Variants in PCAT6 observed in about 807,000 individuals in gnomAD.
PCAT6 encodes KDM5B antisense RNA 1 (head to head).
exon 1 of PCAT6, chr1:202,811,010 G>C (rs1426946602): frequency 3.7e-6 from 1 of 268,038 alleles, no homozygotes; most frequent in Non-Finnish European, 7.0e-6. Context: ...GCTCCCAGAG[G>C]GCTGGGTGCG....
chr1:202,810,990 C>T (rs759246252), exon 1 of PCAT6: 5 of 237,284 alleles, frequency 2.1e-5, no homozygotes, highest in African/African-American at 9.0e-5. Flanking sequence ...CTGGAGGTGC[C>T]GGGGCCGGAG....
exon 1 of PCAT6, chr1:202,811,060 C>A (rs1186900972): frequency 8.4e-6 from 3 of 356,618 alleles, no homozygotes; most frequent in African/African-American, 4.2e-5. Flanking sequence ...TAGGCCATAG[C>A]GGAGCTGCAG....
chr1:202,811,593 G>A (rs1042912486), exon 1 of PCAT6: 85 of 390,464 alleles, frequency 2.2e-4, no homozygotes, highest in Non-Finnish European at 3.0e-4. Flanking sequence ...GTGTCCGTGA[G>A]CCTCCCTTCC....
At chr1:202,811,257 C>T in exon 1 of PCAT6, 1 of 399,338 alleles carries the variant, frequency 2.5e-6, no homozygotes, top group East Asian at 3.6e-5. Context: ...CCATCCAACT[C>T]CCAGACCTCA....
exon 1 of PCAT6, chr1:202,811,359 G>A (rs1219633124): frequency 5.0e-6 from 2 of 398,566 alleles, no homozygotes; most frequent in Non-Finnish European, 8.8e-6. Flanking sequence ...GGCGCTCCTC[G>A]CGTTCCTTCC....
At chr1:202,811,410 T>C (rs1180939882) in exon 1 of PCAT6, 6 of 398,584 alleles carry the variant, frequency 1.5e-5, no homozygotes, top group African/African-American at 8.2e-5. Context: ...GGTTGCAAAC[T>C]TGGGGGGACT....
At chr1:202,811,549 C>G (rs1286864956) in exon 1 of PCAT6, 4 of 395,742 alleles carry the variant, frequency 1.0e-5, no homozygotes, top group Non-Finnish European at 1.3e-5. Flanking sequence ...CTCCCCACCC[C>G]CTCGCCGCCT....
chr1:202,811,755 G>T (rs1571475083), exon 1 of PCAT6: 1 of 220,024 alleles, frequency 4.5e-6, no homozygotes, highest in East Asian at 9.2e-5. Context: ...CCAATTCAAT[G>T]CCATCATCTC....
exon 1 of PCAT6, chr1:202,811,194 T>TGCAGCGCC: frequency 2.5e-6 from 1 of 397,892 alleles, no homozygotes; most frequent in Admixed American, 4.4e-5. Flanking sequence ...CCCTCATTTG[T>TGCAGCGCC]GCAGCGCCAG....
In PCAT6 at chr1:202,811,449, G is replaced by A. The variant is rs1658549534; in HGVS notation, n.567G>A. On this transcript the variant is annotated non_coding_transcript_exon_variant, in exon 1 of 1. Coordinates refer to ENST00000686658, the Ensembl canonical transcript of PCAT6. The stretch of plus-strand genomic sequence containing the variant: ...TCCCTCCCCTCCCCCTGGGCGCCGT[G>A]CAACTGCCCTGGGACCGGGTTCTGG... 7.5e-6 allele frequency: 3 copies of A among 398,576 alleles called. No homozygotes were observed. In the East Asian group the frequency reaches 1.1e-4, roughly 14 times the overall value. 24.7% of individuals were successfully genotyped at this position (398,576 alleles called of 1,614,324 possible).
exon 1 of PCAT6, chr1:202,811,872 A>G (rs1658558659): frequency 6.4e-6 from 1 of 155,474 alleles, no homozygotes; most frequent in Non-Finnish European, 1.4e-5. Context: ...GTAGTCCTAC[A>G]ACGTCTTGTT....
exon 1 of PCAT6, chr1:202,811,088 G>A (rs1658538978): frequency 5.3e-6 from 2 of 380,330 alleles, no homozygotes; most frequent in African/African-American, 2.1e-5. Flanking sequence ...GGCCGGAGCG[G>A]AACCCAGCCC....
At position 202,810,986 on chromosome 1, in the gene PCAT6, G is replaced by T. The variant is rs1423177923; in HGVS notation, n.104G>T. 3.9e-5 allele frequency: 9 copies of T among 232,342 alleles called. No homozygotes were observed. The Admixed American group carries it at 4.6e-4, about 12-fold the overall frequency. 14.4% of individuals were successfully genotyped at this position (232,342 alleles called of 1,614,324 possible). Reference sequence around the variant, plus strand: ...GGACCTGGGCAACCCCAGCCTGGAGGTGCCGGGGCCGGAGCTCCCAGAGGG... The same window carrying T: ...GGACCTGGGCAACCCCAGCCTGGAGTTGCCGGGGCCGGAGCTCCCAGAGGG... On this transcript the variant is annotated non_coding_transcript_exon_variant, in exon 1 of 1. Transcript: ENST00000686658.
At position 202,810,971 on chromosome 1, in the gene PCAT6, A is replaced by T. The variant is rs1469770954; in HGVS notation, n.89A>T. ...GACGCCCCAGAGGCCGGACCTGGGCAACCCCAGCCTGGAGGTGCCGGGGCC... is the reference window on the plus strand; with the variant it reads ...GACGCCCCAGAGGCCGGACCTGGGCTACCCCAGCCTGGAGGTGCCGGGGCC... On this transcript the variant is annotated non_coding_transcript_exon_variant, in exon 1 of 1. Transcript: ENST00000686658. The T allele has an allele frequency of 2.8e-5, 6 of 211,826 alleles. No homozygotes were observed. In the East Asian group the frequency reaches 5.8e-4, roughly 20 times the overall value. 13.1% of individuals were successfully genotyped at this position (211,826 alleles called of 1,614,324 possible).
exon 1 of PCAT6, chr1:202,811,558 C>T (rs2102367209): frequency 5.1e-6 from 2 of 395,588 alleles, no homozygotes; most frequent in East Asian, 7.2e-5. Context: ...CCCTCGCCGC[C>T]TCTGACAACT....
exon 1 of PCAT6, chr1:202,810,958 G>T (rs887490668): frequency 5.0e-6 from 1 of 199,912 alleles, no homozygotes; most frequent in Non-Finnish European, 1.0e-5. Flanking sequence ...CGCCCCAGAG[G>T]CCGGACCTGG....
exon 1 of PCAT6, chr1:202,811,548 C>T: frequency 2.5e-6 from 1 of 396,008 alleles, no homozygotes; most frequent in Non-Finnish European, 4.4e-6. Flanking sequence ...GCTCCCCACC[C>T]CCTCGCCGCC....
chr1:202,811,789 G>A (rs529912035), exon 1 of PCAT6: 8 of 190,376 alleles, frequency 4.2e-5, no homozygotes, highest in Non-Finnish European at 8.5e-5. Flanking sequence ...TCGGTGCCCT[G>A]GAATGTTTGC....
At chr1:202,811,127 C>A (rs1043819287) in exon 1 of PCAT6, 1 of 393,628 alleles carries the variant, frequency 2.5e-6, no homozygotes, top group African/African-American at 2.1e-5. Flanking sequence ...TCCAGGAACC[C>A]CCTCCTTACT....
Sources: allele counts gnomAD v4.1 joint callset, GRCh38; gene constraint gnomAD v4.1.1; transcripts MANE v1.5; gene names NCBI Gene and HGNC (gene_info 2026-07-23, HGNC 2026-07-21).